The following SRR variants were observed in gnomAD, a reference collection of about 807,000 sequenced individuals.
SRR encodes the protein serine racemase, also known as D-serine ammonia-lyase.
Under a neutral mutation model 32.7 loss-of-function variants are expected in SRR, and 19 were observed. That is an observed-to-expected ratio of 0.58 (90% CI 0.40 to 0.85). The LOEUF (loss-of-function observed/expected upper bound fraction) is 0.85, where lower values mean the gene tolerates loss of function less well. SRR is among the 40% of genes least tolerant of loss of function. The probability of loss-of-function intolerance (pLI) is 0.00; values close to 1 mark genes in which losing one functional copy is unlikely to be tolerated. For missense variants in SRR, 373 were observed against 404.7 expected, an observed-to-expected ratio of 0.92 and a Z score of 0.67; for synonymous variants, 142 against 140.9, an observed-to-expected ratio of 1.01 and a Z score of -0.06.
rs1597273067 is a variant in SRR at position 2,324,416 on chromosome 17, A to C, written c.*543A>C. The C allele has an allele frequency of 6.2e-7, 1 of 1,601,294 alleles. No individual in the cohort carries two copies. The highest frequency in any genetic ancestry group is 1.1e-5 in the South Asian group (1 of 89,148). On this transcript the variant is annotated 3_prime_UTR_variant, in exon 8 of 8. Transcript: ENST00000344595. ...ACAAGTCGGTCAAATTAAAAGTAGA[A>C]AATTTTAAAGCAATGACTTCCAACC... is the stretch of plus-strand genomic sequence containing the variant.
chr17:2,319,129 C>G lies in SRR; in HGVS notation c.399+200C>G, dbSNP rs1460049398. On this transcript the variant is annotated intron_variant, in intron 4 of 7. Coordinates refer to ENST00000344595, the MANE Select transcript of SRR (RefSeq NM_021947.3). The stretch of plus-strand genomic sequence containing the variant: ...ATTATTACCTATGGTCTAACAACAC[C>G]AACTCCAACTTCTCTCCCTTTAACA... Among the ~76,000 whole-genome samples the G allele has an allele frequency of 2.0e-5, 3 of 152,038 alleles. No individual in the cohort carries two copies. The East Asian group carries it at 5.8e-4, about 29-fold the overall frequency.
intron 6 of SRR, 103 bp from the exon 7 acceptor site, chr17:2,323,032 TG>T (rs1467814306): frequency 3.3e-6 from 4 of 1,222,344 alleles, no homozygotes; most frequent in Non-Finnish European, 4.7e-6. Context: ...CCCAAAGTGT[TG>T]GGATTACAGG....
At chr17:2,318,730 A>T (rs2075499965) in intron 3 of SRR, 96 bp from the exon 4 acceptor site, 2 of 768,992 alleles carry the variant, frequency 2.6e-6, no homozygotes, top group Middle Eastern at 2.7e-4. Flanking sequence ...TCAGCCTCCC[A>T]AAGTGCTGGG....
At chr17:2,315,018 C>T (rs556456325) in intron 1 of SRR, among the ~76,000 whole-genome samples, 2 of 151,384 alleles carry the variant, frequency 1.3e-5, no homozygotes, top group Non-Finnish European at 2.9e-5. Context: ...CCGAGGCAGG[C>T]GGATCACGAG....
intron 3 of SRR, among the ~76,000 whole-genome samples, chr17:2,318,619 A>ATTTTTTTTTTTTTTTTTTT: frequency 1.1e-5 from 1 of 92,550 alleles, no homozygotes; most frequent in Non-Finnish European, 2.0e-5. Flanking sequence ...ATGCCTGGCT[A>ATTTTTTTTTTTTTTTTTTT]TTTTTTTTTT....
chr17:2,303,828 C>T, upstream of SRR: 1 of 853,116 alleles, frequency 1.2e-6, no homozygotes, highest in South Asian at 1.8e-5. Context: ...GGCCTTTCCC[C>T]GCCCCCTGCC....
intron 1 of SRR, 135 bp downstream of exon 1, chr17:2,304,152 C>T (rs1156766052): frequency 6.3e-6 from 1 of 158,104 alleles, no homozygotes; most frequent in African/African-American, 2.4e-5. Context: ...CTGGGCTCCT[C>T]TGGACACCTT....
chr17:2,307,389 C>T (rs2075398860), intron 1 of SRR: 14 of 1,135,910 alleles, frequency 1.2e-5, no homozygotes, highest in Non-Finnish European at 1.6e-5. Context: ...GAGGTGGTTT[C>T]GGTAGGAATG....
chr17:2,315,158 C>T (rs2075462566), intron 1 of SRR, among the ~76,000 whole-genome samples: 1 of 151,084 alleles, frequency 6.6e-6, no homozygotes, highest in Non-Finnish European at 1.5e-5. Flanking sequence ...AGGAGAATTG[C>T]TTGACCCGGG....
At chr17:2,311,108 T>C (rs940637749) in intron 1 of SRR, among the ~76,000 whole-genome samples, 15 of 151,438 alleles carry the variant, frequency 9.9e-5, no homozygotes, top group Non-Finnish European at 1.3e-4. Context: ...CTCAAACTCC[T>C]GAACTCCTGA....
Position 2,321,300 on chromosome 17 carries a change from T to C in SRR, c.400-6T>C. ...AATCAATTAAGCTAAATTAATGTAC[T>C]TTCAGTCCAGAGAAAATGTTGCAAA... On this transcript the variant is annotated splice_polypyrimidine_tract_variant and splice_region_variant and intron_variant, in intron 4 of 7. Transcript: ENST00000344595. 3 of 1,613,420 alleles carry C rather than the reference T, an allele frequency of 1.9e-6. No individual in the cohort carries two copies. The East Asian group carries it at 6.7e-5, about 36-fold the overall frequency.
At position 2,307,729 on chromosome 17, in the gene SRR, AAGCTT is replaced by A. The variant is rs1024395772; in HGVS notation, c.-5+3716_-5+3720del. On this transcript the variant is annotated intron_variant, in intron 1 of 7. Coordinates refer to ENST00000344595, the MANE Select transcript of SRR (RefSeq NM_021947.3). ...GGCGGAAGATTTTAATTAGGCAACA[AAGCTT>A]AGCATGAGAGGAGAGCCAGCGAAGT... The A allele has an allele frequency of 8.9e-5, 88 of 984,692 alleles. No homozygotes were observed. The African/African-American group carries it at 1.3e-3, about 15-fold the overall frequency. The allele number at this position is 984,692 out of a possible 1,614,324, so 61.0% of individuals were successfully genotyped here. A position where few individuals can be genotyped will look rare whatever the true frequency, so the allele number is the denominator to read the frequency against.
rs2075550434 is a variant in SRR, at chr17:2,323,362, A to G, written c.804+17A>G. 6.2e-7 allele frequency: 1 copy of G among 1,613,580 alleles called. No homozygotes were observed. Among genetic ancestry groups the G allele is most frequent in the African/African-American group, 1.3e-5 (1 of 74,920 alleles). ...GAAATTAAGGTGAGGCTCCAGCAAGAAAAGAAATAGCAAAGCATGGTGTAA... is the reference window on the plus strand; with the variant it reads ...GAAATTAAGGTGAGGCTCCAGCAAGGAAAGAAATAGCAAAGCATGGTGTAA... On this transcript the variant is annotated intron_variant, in intron 7 of 7. Coordinates refer to ENST00000344595, the MANE Select transcript of SRR (RefSeq NM_021947.3).
At chr17:2,319,104 A>G (rs965206245) in intron 4 of SRR, among the ~76,000 whole-genome samples, 175 bp downstream of exon 4, 4 of 152,078 alleles carry the variant, frequency 2.6e-5, no homozygotes, top group African/African-American at 9.7e-5. Flanking sequence ...CATTTCTTAA[A>G]TTATTACCTA....
chr17:2,317,684 G>C (rs1318640908), intron 2 of SRR, among the ~76,000 whole-genome samples, 186 bp from the exon 3 acceptor site: 1 of 151,986 alleles, frequency 6.6e-6, no homozygotes, highest in Non-Finnish European at 1.5e-5. Context: ...CTCCAGCCGG[G>C]ATAACGGAGA....
upstream of SRR, chr17:2,303,814 T>C: frequency 1.0e-6 from 1 of 969,100 alleles, no homozygotes; most frequent in Non-Finnish European, 1.4e-6. Context: ...CTCGCCCACC[T>C]CCCGGCCTTT....
At chr17:2,315,325 CT>C in intron 1 of SRR, 1 of 341,108 alleles carries the variant, frequency 2.9e-6, no homozygotes, top group Non-Finnish European at 5.3e-6. Flanking sequence ...GGGGAGTGGG[CT>C]TTAGCCTTCT....
chr17:2,315,448 C>T, intron 1 of SRR, 109 bp from the exon 2 acceptor site: 4 of 1,051,810 alleles, frequency 3.8e-6, no homozygotes, highest in Non-Finnish European at 5.3e-6. Flanking sequence ...AGAATTTCCA[C>T]ATGACACCAC....
chr17:2,309,202 A>G (rs577618947), intron 1 of SRR, among the ~76,000 whole-genome samples: 24 of 152,200 alleles, frequency 1.6e-4, no homozygotes, highest in African/African-American at 3.4e-4. Context: ...GCCTCTGGCA[A>G]TCTTCCCACC....
Sources: allele counts gnomAD v4.1 joint callset (sites outside exome capture counted in the v4.1 genomes callset), GRCh38; gene constraint gnomAD v4.1.1; transcripts MANE v1.5; gene names NCBI Gene and HGNC (gene_info 2026-07-23, HGNC 2026-07-21).